Variants in ULK4 observed in about 807,000 individuals in gnomAD.
ULK4 encodes the protein unc-51 like kinase 4, also known as inactive serine/threonine-protein kinase ULK4.
ULK4 carries 133 observed loss-of-function variants against 160.6 expected under a neutral mutation model. The observed-to-expected ratio is 0.83, with a 90% CI of 0.72 to 0.96. ULK4 has a LOEUF of 0.96. Among genes scored for constraint, ULK4 ranks in the 40% least tolerant of loss-of-function variants. The pLI, the probability that ULK4 is intolerant of heterozygous loss-of-function variation, is 0.00. For synonymous variants in ULK4, 534 were observed against 539.8 expected (o/e 0.99, Z 0.15); for missense variants, 1,580 against 1,499.5 (o/e 1.05, Z -0.89).
chr3:41,874,783 A>T (rs187866249), intron 17 of ULK4, among the ~76,000 whole-genome samples: 1 of 152,352 alleles, frequency 6.6e-6, no homozygotes, highest in East Asian at 1.9e-4. Context: ...AGTGCACTAA[A>T]ATCTCAGACT....
At chr3:41,843,957 C>G (rs562034076) in intron 17 of ULK4, among the ~76,000 whole-genome samples, 2 of 152,254 alleles carry the variant, frequency 1.3e-5, no homozygotes, top group East Asian at 3.9e-4. Flanking sequence ...CTCCAAGTCC[C>G]CACCAGAGTA....
At chr3:41,311,490 G>A (rs34994780) in intron 35 of ULK4, among the ~76,000 whole-genome samples, 21,562 of 152,120 alleles carry the variant, frequency 0.14, 1,732 homozygotes, top group African/African-American at 0.2. Context: ...GGACTCAGAC[G>A]GGCTCTCCTT....
intron 12 of ULK4, among the ~76,000 whole-genome samples, chr3:41,903,991 TAAAAAAAA>T (rs35070842): frequency 7.4e-6 from 1 of 135,550 alleles, no homozygotes; most frequent in African/African-American, 2.7e-5. Context: ...AAAAGGCTCT[TAAAAAAAA>T]AAAAAAAAAA....
chr3:41,439,583 C>A (rs895850686), intron 34 of ULK4, among the ~76,000 whole-genome samples: 1 of 152,120 alleles, frequency 6.6e-6, no homozygotes. Context: ...ATAACCATCA[C>A]CATTATAATT....
chr3:41,691,659 C>G (rs1250144406), intron 27 of ULK4, among the ~76,000 whole-genome samples: 1 of 151,742 alleles, frequency 6.6e-6, no homozygotes, highest in African/African-American at 2.4e-5. Flanking sequence ...TGATTTTTAT[C>G]TAAAGTAGTG....
intron 30 of ULK4, among the ~76,000 whole-genome samples, chr3:41,622,019 A>G (rs1326356923): frequency 6.6e-6 from 1 of 152,224 alleles, no homozygotes; most frequent in African/African-American, 2.4e-5. Context: ...AAGAGCCATC[A>G]TCACTGGTCC....
At chr3:41,647,240 C>T (rs1283044868) in intron 30 of ULK4, among the ~76,000 whole-genome samples, 2 of 152,220 alleles carry the variant, frequency 1.3e-5, no homozygotes, top group Admixed American at 6.5e-5. Flanking sequence ...TGGTGAGGAA[C>T]TGCATTCCTT....
intron 30 of ULK4, among the ~76,000 whole-genome samples, chr3:41,628,644 T>A (rs574989798): frequency 1.2e-4 from 18 of 152,284 alleles, no homozygotes; most frequent in African/African-American, 3.9e-4. Flanking sequence ...TAATGTGGGA[T>A]CCTAGATTAA....
rs965275214 is a variant in ULK4, at chr3:41,445,411, G to A, written c.3492+10086C>T. 1.0e-3 allele frequency among the ~76,000 whole-genome samples: 152 copies of A among 151,868 alleles called. No homozygotes were observed. In the Middle Eastern group the frequency reaches 0.014, roughly 14 times the overall value. On this transcript the variant is annotated intron_variant, in intron 34 of 36. Coordinates refer to ENST00000301831, the MANE Select transcript of ULK4 (RefSeq NM_017886.4). ...ATGGAACCAAAAAAGAGCCTGCATC[G>A]CCAAGTCAATCCTAAGCCAAAAGAA...
chr3:41,608,462 G>A (rs1575478964), intron 31 of ULK4, among the ~76,000 whole-genome samples: 2 of 152,156 alleles, frequency 1.3e-5, no homozygotes, highest in East Asian at 1.9e-4. Context: ...CTGTGTTACT[G>A]AGTAATTTCG....
At chr3:41,876,813 A>C (rs867865303) in intron 17 of ULK4, among the ~76,000 whole-genome samples, 9 of 152,216 alleles carry the variant, frequency 5.9e-5, no homozygotes, top group Non-Finnish European at 1.3e-4. Context: ...CGGCAAAATC[A>C]TGACAGAATT....
intron 35 of ULK4, among the ~76,000 whole-genome samples, chr3:41,289,126 T>A (rs1041245009): frequency 6.6e-6 from 1 of 152,256 alleles, no homozygotes; most frequent in African/African-American, 2.4e-5. Context: ...CCATACATTT[T>A]AAAATTTTCA....
chr3:41,950,156 G>A (rs931540756), intron 2 of ULK4, among the ~76,000 whole-genome samples: 8 of 151,410 alleles, frequency 5.3e-5, no homozygotes, highest in Admixed American at 4.6e-4. Context: ...GCACAATCAT[G>A]GCTCACTGCG....
rs775349078 is a variant in ULK4 at position 41,916,075 on chromosome 3, G to GA, written c.728-24dup. On this transcript the variant is annotated intron_variant, in intron 7 of 36. Coordinates refer to ENST00000301831, the MANE Select transcript of ULK4 (RefSeq NM_017886.4). ...AATCTATAAATGAATTAATTTCCAA[G>GA]AAAAAATGATAAGTAGTAAATACAT... 4.0e-6 allele frequency: 6 copies of GA among 1,484,380 alleles called. No individual in the cohort carries two copies. The African/African-American group carries it at 4.3e-5, about 11-fold the overall frequency. The allele number at this position is 1,484,380 out of a possible 1,614,324, so 92.0% of individuals were successfully genotyped here.
At chr3:41,299,801 T>C (rs907026891) in intron 35 of ULK4, among the ~76,000 whole-genome samples, 6 of 152,218 alleles carry the variant, frequency 3.9e-5, no homozygotes, top group Non-Finnish European at 8.8e-5. Context: ...TAATCACTAA[T>C]AGCTACAAAA....
chr3:41,645,776 A>G (rs919301003), intron 30 of ULK4, among the ~76,000 whole-genome samples: 4 of 152,102 alleles, frequency 2.6e-5, no homozygotes, highest in African/African-American at 7.2e-5. Flanking sequence ...TGATCTGTCT[A>G]ATGTTGACAG....
At chr3:41,338,903 A>T (rs1399751177) in intron 35 of ULK4, among the ~76,000 whole-genome samples, 1 of 151,890 alleles carries the variant, frequency 6.6e-6, no homozygotes. Context: ...AAGTAAAGAG[A>T]GTGAATCCTC....
At chr3:41,727,912 C>T (rs907422666) in intron 22 of ULK4, among the ~76,000 whole-genome samples, 3 of 151,960 alleles carry the variant, frequency 2.0e-5, no homozygotes, top group African/African-American at 7.3e-5. Context: ...TTTCAAGGTA[C>T]AAATAATTAG....
chr3:41,327,855 A>G (rs984291405), intron 35 of ULK4, among the ~76,000 whole-genome samples: 1 of 152,244 alleles, frequency 6.6e-6, no homozygotes, highest in Non-Finnish European at 1.5e-5. Flanking sequence ...AAAGGAGCAC[A>G]GGCAGAGGGA....
Sources: gnomAD v4.1 joint callset for allele counts (sites outside exome capture counted in the v4.1 genomes callset) on GRCh38, gnomAD v4.1.1 for gene constraint, MANE v1.5 for transcripts, NCBI Gene and HGNC (gene_info 2026-07-23, HGNC 2026-07-21) for gene names.